Variants in MORN1 observed in about 807,000 individuals in gnomAD.
MORN1 encodes MORN repeat containing 1.
MORN1 carries 67 observed loss-of-function variants against 61.9 expected under a neutral mutation model. The observed-to-expected ratio is 1.08, with a 90% CI of 0.89 to 1.33. The LOEUF is 1.33. Ranked by LOEUF, MORN1 falls within the 40% of genes most tolerant of loss-of-function variation. MORN1 has a pLI of 0.00. For missense variants in MORN1, 752 were observed against 691.2 expected (o/e 1.09, Z -0.99); for synonymous variants, 301 against 292.0 (o/e 1.03, Z -0.31).
chr1:2,322,474 C>T (rs1376736339), intron 13 of MORN1: 1 of 985,284 alleles, frequency 1.0e-6, no homozygotes, highest in Non-Finnish European at 1.2e-6. Context: ...ACGGGCTCGG[C>T]CGCCTGTGCG....
At chr1:2,390,401 T>TC (rs1375894321) in intron 1 of MORN1, 7 of 982,848 alleles carry the variant, frequency 7.1e-6, no homozygotes, top group Non-Finnish European at 8.5e-6. Context: ...GAGCAGACTC[T>TC]CCCATCCCCT....
chr1:2,385,712 A>G (rs1479408501), intron 5 of MORN1, 95 bp downstream of exon 5: 3 of 1,159,650 alleles, frequency 2.6e-6, no homozygotes, highest in Admixed American at 1.7e-5. Context: ...GGGGTGTCCC[A>G]TGGCAGTCCT....
At chr1:2,323,265 C>G (rs1640924508) in intron 13 of MORN1, 1 of 985,282 alleles carries the variant, frequency 1.0e-6, no homozygotes, top group Non-Finnish European at 1.2e-6. Flanking sequence ...GGGTGCCGTC[C>G]CCACGACCAG....
rs1193054118 is a variant in MORN1, at chr1:2,321,518, G to C, written c.1359C>G (p.Pro453=). ...TTPPFLGRRL[P]PAFKHLRVVA... is the part of the protein sequence containing the mutation. The stretch of plus-strand genomic sequence containing the variant: ...CGACCCGCAGGTGTTTGAAGGCCGG[G>C]GGCAGCCTGCGCCCCAGGAACGGCG... The change falls in exon 14 of 14, where the codon CCC becomes CCG. Residue 453 remains proline (P), a synonymous_variant. Transcript: ENST00000378531. 3 of 1,535,312 alleles carry C rather than the reference G, an allele frequency of 2.0e-6. No individual in the cohort carries two copies. The South Asian group carries it at 3.7e-5, about 19-fold the overall frequency.
rs150944166 is a variant in MORN1 at position 2,324,869 on chromosome 1, G to C, written c.1251-726C>G. The stretch of plus-strand genomic sequence containing the variant: ...AGCGCCTCGGGGCACCCACGGGCTG[G>C]GGCAGGGCCATGGCCAGGCAGGATC... On this transcript the variant is annotated intron_variant, in intron 12 of 13. Transcript: ENST00000378531. 6.1e-3 allele frequency among the ~76,000 whole-genome samples: 934 copies of C among 152,074 alleles called. 14 individuals are homozygous for C. In the East Asian group the frequency reaches 0.067, roughly 11 times the overall value.
chr1:2,333,215 G>T (rs1014414001), intron 12 of MORN1, among the ~76,000 whole-genome samples: 2 of 152,214 alleles, frequency 1.3e-5, no homozygotes, highest in Non-Finnish European at 2.9e-5. Flanking sequence ...GCCAGCCAGT[G>T]GGCACGTCTA....
rs1294965680 is a variant in MORN1, at chr1:2,337,123, C to A, written c.1037-273G>T. The stretch of plus-strand genomic sequence containing the variant: ...TCCACCCCAGCGCCAGGGAGCCCAG[C>A]GCTTTGCAGTGGGAAGGGTCTCCCA... On this transcript the variant is annotated intron_variant, in intron 10 of 13. Transcript: ENST00000378531. This position sits in a 1 kb window ranked among gnomAD's most constrained non-coding sequence, Gnocchi z 5.7. Among the ~76,000 whole-genome samples the A allele has an allele frequency of 6.6e-6, 1 of 152,174 alleles. No individual in the cohort carries two copies. Among genetic ancestry groups the A allele is most frequent in the Non-Finnish European group, 1.5e-5 (1 of 68,010 alleles).
chr1:2,348,485 G>A (rs966850707), intron 10 of MORN1, among the ~76,000 whole-genome samples: 3 of 152,152 alleles, frequency 2.0e-5, no homozygotes, highest in African/African-American at 7.2e-5. Context: ...GCTTCTCCAG[G>A]GAACCCCGGT....
At chr1:2,355,277 G>T in intron 10 of MORN1, 1 of 1,432,080 alleles carries the variant, frequency 7.0e-7, no homozygotes, top group Non-Finnish European at 9.2e-7. Context: ...GGCGCGGGCC[G>T]GGCCCCCCGT....
chr1:2,346,046 GAACC>G (rs1641509866), intron 10 of MORN1, among the ~76,000 whole-genome samples: 1 of 151,422 alleles, frequency 6.6e-6, no homozygotes, highest in Admixed American at 6.6e-5. Flanking sequence ...AAGCCACCAG[GAACC>G]TTCCTCAGAC....
intron 8 of MORN1, among the ~76,000 whole-genome samples, chr1:2,359,005 C>T (rs1341540748): frequency 6.6e-6 from 1 of 152,192 alleles, no homozygotes; most frequent in Non-Finnish European, 1.5e-5. Flanking sequence ...TCCTGAATCT[C>T]CAGCTCTAGG....
At chr1:2,342,601 G>C (rs1008540993) in intron 10 of MORN1, among the ~76,000 whole-genome samples, 2 of 151,988 alleles carry the variant, frequency 1.3e-5, no homozygotes, top group African/African-American at 4.8e-5. Flanking sequence ...GGGGCCTCTC[G>C]GACTCCCCTG....
At chr1:2,388,122 T>G (rs1173731694) in intron 3 of MORN1, 117 bp downstream of exon 3, 1 of 797,128 alleles carries the variant, frequency 1.3e-6, no homozygotes, top group Non-Finnish European at 2.0e-6. Flanking sequence ...GCCAGGCCTC[T>G]CACGGCACAA....
At chr1:2,376,116 C>A (rs1056533530) in intron 6 of MORN1, 1 of 152,690 alleles carries the variant, frequency 6.5e-6, no homozygotes, top group African/African-American at 2.4e-5. Flanking sequence ...CCATGCCATG[C>A]CCTGTTGGAG....
chr1:2,347,234 G>A (rs1043867745), intron 10 of MORN1, among the ~76,000 whole-genome samples: 25 of 152,206 alleles, frequency 1.6e-4, no homozygotes, highest in African/African-American at 5.3e-4. Flanking sequence ...GCAGCTGGTG[G>A]CCAGTCTGAG....
chr1:2,328,273 C>T (rs547867604), intron 12 of MORN1, among the ~76,000 whole-genome samples: 124 of 152,364 alleles, frequency 8.1e-4, no homozygotes, highest in Non-Finnish European at 1.6e-3. Context: ...CGGTTTGCAG[C>T]GGGGCTGTGA....
At chr1:2,345,712 C>G (rs576678129) in intron 10 of MORN1, among the ~76,000 whole-genome samples, 2 of 152,208 alleles carry the variant, frequency 1.3e-5, no homozygotes, top group Non-Finnish European at 2.9e-5. Context: ...CTGCGGTGAG[C>G]AGCTCTGACC....
intron 12 of MORN1, among the ~76,000 whole-genome samples, chr1:2,333,193 G>A (rs1406145601): frequency 6.6e-6 from 1 of 152,232 alleles, no homozygotes; most frequent in Non-Finnish European, 1.5e-5. Context: ...GATGCTCCTG[G>A]TGCGTAATTA....
rs1016547333 is a variant in MORN1, at chr1:2,321,386, C to T, written c.1491G>A (p.Arg497=). 3 of 1,521,258 alleles carry T rather than the reference C, an allele frequency of 2.0e-6. No homozygotes were observed. The highest frequency in any genetic ancestry group is 1.4e-5 in the African/African-American group (1 of 71,436). 94.2% of individuals were successfully genotyped at this position (1,521,258 alleles called of 1,614,324 possible). A position where few individuals can be genotyped will look rare whatever the true frequency, so the allele number is the denominator to read the frequency against. ...HSCTPEPPAP[R] is the part of the protein sequence containing the mutation. Reference sequence around the variant, plus strand: ...GGCCTCCTGTGGACACGGGGCCTCACCGAGGCGCTGGCGGCTCTGGGGTGC... The same window carrying T: ...GGCCTCCTGTGGACACGGGGCCTCATCGAGGCGCTGGCGGCTCTGGGGTGC... The change falls in exon 14 of 14, where the codon CGG becomes CGA. Residue 497 remains arginine (R), a synonymous_variant. Transcript: ENST00000378531.
Sources: allele counts gnomAD v4.1 joint callset (sites outside exome capture counted in the v4.1 genomes callset), GRCh38; gene constraint gnomAD v4.1.1; non-coding constraint Gnocchi (gnomAD v3.1); transcripts MANE v1.5; gene names NCBI Gene and HGNC (gene_info 2026-07-23, HGNC 2026-07-21).